The following ABCC6 variants were observed in gnomAD, a reference collection of about 807,000 sequenced individuals.
ABCC6 encodes ATP-binding cassette sub-family C member 6.
A neutral mutation model predicts 169.5 loss-of-function variants in ABCC6; 126 were observed. That is an observed-to-expected ratio of 0.74 (90% confidence interval 0.64 to 0.86). The LOEUF is 0.86. ABCC6 is among the 40% of genes least tolerant of loss of function. ABCC6 has a pLI of 0.00. For missense variants in ABCC6, 1,733 were observed against 1,927.2 expected (o/e 0.90, Z 1.89); for synonymous variants, 752 against 814.7 (o/e 0.92, Z 1.31).
chr16:16,171,648 G>T (rs780521709), intron 21 of ABCC6, among the ~76,000 whole-genome samples: 4 of 152,166 alleles, frequency 2.6e-5, no homozygotes, highest in African/African-American at 4.8e-5. Flanking sequence ...ACAGACAGAT[G>T]CATAGGTGAG....
chr16:16,214,256 T>C, intron 5 of ABCC6, 68 bp downstream of exon 5: 1 of 1,545,564 alleles, frequency 6.5e-7, no homozygotes, highest in Non-Finnish European at 8.8e-7. Flanking sequence ...ATTAAAGACT[T>C]TTGGTCACCT....
intron 10 of ABCC6, among the ~76,000 whole-genome samples, chr16:16,196,677 C>T (rs1041904945): frequency 6.6e-6 from 1 of 152,018 alleles, no homozygotes; most frequent in Non-Finnish European, 1.5e-5. Flanking sequence ...AGGCAGTTCC[C>T]GATACAGAGT....
intron 24 of ABCC6, among the ~76,000 whole-genome samples, 154 bp from the exon 25 acceptor site, chr16:16,161,718 G>A (rs2046725851): frequency 6.6e-6 from 1 of 152,204 alleles, no homozygotes; most frequent in Non-Finnish European, 1.5e-5. Context: ...AGTAGAGGAA[G>A]ATGACACCGT....
At position 16,166,013 on chromosome 16, in the gene ABCC6, C is replaced by T. The variant is rs115021139; in HGVS notation, c.2996-80G>A. 1.7e-4 allele frequency: 239 copies of T among 1,423,892 alleles called. 2 individuals carry two copies. The African/African-American group carries it at 2.2e-3, about 13-fold the overall frequency. The allele number at this position is 1,423,892 out of a possible 1,614,324, so 88.2% of individuals were successfully genotyped here. Reference sequence around the variant, plus strand: ...CACGGGGCCCTGCGCAGGTCTCTCCCGCTACCCCATGGTGGACATCTTATG... The same window carrying T: ...CACGGGGCCCTGCGCAGGTCTCTCCTGCTACCCCATGGTGGACATCTTATG... On this transcript the variant is annotated intron_variant, in intron 22 of 30. Coordinates refer to ENST00000205557, the MANE Select transcript of ABCC6 (RefSeq NM_001171.6).
intron 5 of ABCC6, among the ~76,000 whole-genome samples, chr16:16,213,229 G>C (rs1401091413): frequency 6.6e-6 from 1 of 151,942 alleles, no homozygotes; most frequent in African/African-American, 2.4e-5. Flanking sequence ...TCTGTAGTGG[G>C]ACTACAGGCA....
chr16:16,180,128 C>T (rs376722685), intron 17 of ABCC6, among the ~76,000 whole-genome samples: 3 of 152,102 alleles, frequency 2.0e-5, no homozygotes, highest in South Asian at 2.1e-4. Flanking sequence ...GGAGCTCAGG[C>T]GGTGATGGGA....
rs533533888 is a variant in ABCC6, at chr16:16,213,284, T to C, written c.601-1038A>G. 2.0e-5 allele frequency among the ~76,000 whole-genome samples: 3 copies of C among 152,080 alleles called. No individual in the cohort carries two copies. The South Asian group carries it at 6.2e-4, about 32-fold the overall frequency. On this transcript the variant is annotated intron_variant, in intron 5 of 30. Coordinates refer to ENST00000205557, the MANE Select transcript of ABCC6 (RefSeq NM_001171.6). ...ATTTTTAAAAACCTTTTTGTAGAGA[T>C]GGGGTCTCACTACATTGCCTAGTCT...
At chr16:16,166,005 G>C in intron 22 of ABCC6, 72 bp from the exon 23 acceptor site, 1 of 1,484,712 alleles carries the variant, frequency 6.7e-7, no homozygotes, top group South Asian at 1.2e-5. Flanking sequence ...CCCTGCGCAG[G>C]TCTCTCCCGC....
rs60810627 is a variant in ABCC6, at chr16:16,154,823, C to T, written c.4042-29G>A. The T allele has an allele frequency of 1.1e-3, 1,697 of 1,608,518 alleles. 18 individuals are homozygous for T. In the African/African-American group the frequency reaches 0.019, roughly 18 times the overall value. ...GCGGGGAGGGGCGGTGGGTCAGAGC[C>T]GGGTCCCACCATGCCTCCCATCTTT... On this transcript the variant is annotated intron_variant, in intron 28 of 30. Coordinates refer to ENST00000205557, the MANE Select transcript of ABCC6 (RefSeq NM_001171.6).
At chr16:16,188,666 C>T (rs926339861) in intron 13 of ABCC6, among the ~76,000 whole-genome samples, 165 bp downstream of exon 13, 5 of 152,142 alleles carry the variant, frequency 3.3e-5, no homozygotes, top group Admixed American at 2.0e-4. Context: ...ACTCTCTGCC[C>T]GCCTCTGTTC....
chr16:16,155,373 C>T (rs551262912), intron 27 of ABCC6: 58 of 392,112 alleles, frequency 1.5e-4, no homozygotes, highest in South Asian at 1.5e-3. Context: ...TCTGTCTGTC[C>T]GTCCATCCAT....
chr16:16,160,855 G>C (rs2046693503), intron 25 of ABCC6, among the ~76,000 whole-genome samples: 1 of 151,912 alleles, frequency 6.6e-6, no homozygotes, highest in African/African-American at 2.4e-5. Flanking sequence ...AAAGCTCTTA[G>C]AATAATGCCT....
chr16:16,178,749 C>T, intron 18 of ABCC6, 49 bp downstream of exon 18: 6 of 1,609,774 alleles, frequency 3.7e-6, no homozygotes, highest in Non-Finnish European at 4.2e-6. Context: ...ATGCTAAGTG[C>T]TTCCTCTGCC....
rs1341082228 is a variant in ABCC6 at position 16,214,453 on chromosome 16, T to C, written c.475-4A>G. 5 of 1,551,268 alleles carry C rather than the reference T, an allele frequency of 3.2e-6. No homozygotes were observed. The highest frequency in any genetic ancestry group is 4.4e-6 in the Non-Finnish European group (5 of 1,146,866). Reference sequence around the variant, plus strand: ...GGACAGGGTCGCTCTGGAAGCCCTGTGGGAGGGAAAGCAGAAGATAAGGAA... The same window carrying C: ...GGACAGGGTCGCTCTGGAAGCCCTGCGGGAGGGAAAGCAGAAGATAAGGAA... On this transcript the variant is annotated splice_polypyrimidine_tract_variant and splice_region_variant and intron_variant, in intron 4 of 30. Coordinates refer to ENST00000205557, the MANE Select transcript of ABCC6 (RefSeq NM_001171.6).
At position 16,198,152 on chromosome 16, in the gene ABCC6, C is replaced by T; in HGVS notation, c.1207G>A (p.Ala403Thr). The T allele has an allele frequency of 2.5e-6, 4 of 1,608,512 alleles. No individual in the cohort carries two copies. The highest frequency in any genetic ancestry group is 3.4e-6 in the Non-Finnish European group (4 of 1,177,366). ...TTGACCACATCACCCACCGCACTGGCCTTTCTGGAGCCGCTGGACAGAGCC... is the reference window on the plus strand; with the variant it reads ...TTGACCACATCACCCACCGCACTGGTCTTTCTGGAGCCGCTGGACAGAGCC... ...VLALSSGSRK[A>T]SAVGDVVNLV... Residue 403 changes from alanine (A) to threonine (T), a missense_variant, in exon 10 of 31, where the codon GCC becomes ACC. Ala to Thr is a moderately conservative substitution (Grantham distance 58). Coordinates refer to ENST00000205557, the MANE Select transcript of ABCC6 (RefSeq NM_001171.6).
chr16:16,150,335 C>T, intron 30 of ABCC6, 94 bp from the exon 31 acceptor site: 1 of 1,579,790 alleles, frequency 6.3e-7, no homozygotes, highest in Non-Finnish European at 8.6e-7. Flanking sequence ...GAGGTTTTCT[C>T]CATAGAAGTC....
chr16:16,221,551 G>C (rs555467143), intron 2 of ABCC6, 98 bp downstream of exon 2: 3 of 1,547,564 alleles, frequency 1.9e-6, no homozygotes, highest in Non-Finnish European at 8.7e-7. Context: ...TCTACACCCC[G>C]ATAGGAGGAG....
intron 14 of ABCC6, among the ~76,000 whole-genome samples, chr16:16,186,612 CTGA>C (rs2047660520): frequency 1.3e-5 from 2 of 149,766 alleles, no homozygotes; most frequent in African/African-American, 4.9e-5. Flanking sequence ...AATCTAATGC[CTGA>C]TGATCTCTGT....
intron 19 of ABCC6, 113 bp downstream of exon 19, chr16:16,177,339 T>G: frequency 3.2e-6 from 4 of 1,251,864 alleles, no homozygotes; most frequent in East Asian, 2.3e-5. Flanking sequence ...GGCCTAGGCC[T>G]GCAGACAGGG....
Sources: gnomAD v4.1 joint callset for allele counts (sites outside exome capture counted in the v4.1 genomes callset) on GRCh38, gnomAD v4.1.1 for gene constraint, MANE v1.5 for transcripts, NCBI Gene and HGNC (gene_info 2026-07-23, HGNC 2026-07-21) for gene names.